KIRREL1: variants seen among roughly 807,000 people sequenced by gnomAD.
KIRREL1 encodes kirre like nephrin family adhesion molecule 1, also known as kin of IRRE-like protein 1.
KIRREL1 carries 25 observed loss-of-function variants against 83.3 expected under a neutral mutation model. That is an observed-to-expected ratio of 0.30 (90% CI 0.22 to 0.42). The LOEUF is 0.42. KIRREL1 is among the 10% of genes least tolerant of loss of function. The pLI is 1.00. For missense variants in KIRREL1, 812 were observed against 1,032.3 expected (o/e 0.79, Z 2.92); for synonymous variants, 388 against 410.4 (o/e 0.95, Z 0.66).
At chr1:158,039,374 T>C (rs774160425) in intron 1 of KIRREL1, among the ~76,000 whole-genome samples, 1 of 152,252 alleles carries the variant, frequency 6.6e-6, no homozygotes, top group Admixed American at 6.5e-5. Context: ...AATTGCTGGA[T>C]GCATGGCATG....
intron 1 of KIRREL1, among the ~76,000 whole-genome samples, chr1:157,994,821 A>G (rs1362914431): frequency 1.3e-5 from 2 of 152,154 alleles, no homozygotes; most frequent in African/African-American, 4.8e-5. Context: ...ACACTGAGAC[A>G]GACACATATA....
At chr1:158,066,103 G>A (rs1005545151) in intron 1 of KIRREL1, among the ~76,000 whole-genome samples, 2 of 151,978 alleles carry the variant, frequency 1.3e-5, no homozygotes, top group African/African-American at 4.8e-5. Flanking sequence ...GTAGGCTTTG[G>A]GATGTGCCCT....
intron 1 of KIRREL1, among the ~76,000 whole-genome samples, chr1:158,026,877 C>A (rs147166468): frequency 1.3e-5 from 2 of 152,122 alleles, no homozygotes. Context: ...CCCCCCACCC[C>A]CTACAACAGT....
At chr1:158,046,919 C>T (rs1480680170) in intron 1 of KIRREL1, among the ~76,000 whole-genome samples, 2 of 152,126 alleles carry the variant, frequency 1.3e-5, no homozygotes, top group African/African-American at 4.8e-5. Flanking sequence ...TTGCTGGGCA[C>T]AGGGTCAACA....
At chr1:158,020,600 CAAAAA>C (rs370156588) in intron 1 of KIRREL1, among the ~76,000 whole-genome samples, 40 of 83,668 alleles carry the variant, frequency 4.8e-4, no homozygotes, top group Middle Eastern at 0.015. Flanking sequence ...TACAGTAAAT[CAAAAA>C]AAAAAAAAAA....
chr1:158,086,019 T>C (rs890384199), intron 4 of KIRREL1, among the ~76,000 whole-genome samples: 4 of 152,176 alleles, frequency 2.6e-5, no homozygotes, highest in African/African-American at 9.7e-5. Flanking sequence ...TGAAGAAGGC[T>C]TTCCAGAAGA....
Position 158,099,505 on chromosome 1 carries a change from G to A in KIRREL1, c.*4385G>A, listed in dbSNP as rs995074354. ...GTGGTTTGGTAGGAAGGGGGTGTGT[G>A]TGGGGGTTAGTGGGGAATCCCATTT... On this transcript the variant is annotated 3_prime_UTR_variant, in exon 15 of 15. Coordinates refer to ENST00000359209, the MANE Select transcript of KIRREL1 (RefSeq NM_018240.7). 6.6e-6 allele frequency: 1 copy of A among 152,094 alleles called. No individual in the cohort carries two copies. The highest frequency in any genetic ancestry group is 2.4e-5 in the African/African-American group (1 of 41,370). The allele number at this position is 152,094 out of a possible 1,614,324, so 9.4% of individuals were successfully genotyped here. A position where few individuals can be genotyped will look rare whatever the true frequency, so the allele number is the denominator to read the frequency against.
chr1:158,087,885 G>T (rs373936037), intron 6 of KIRREL1, 25 bp downstream of exon 6: 7 of 1,607,642 alleles, frequency 4.4e-6, no homozygotes, highest in Non-Finnish European at 6.0e-6. Flanking sequence ...GGCTGGGAGC[G>T]CTCTGGGGAG....
chr1:158,053,658 C>T (rs1660966115), intron 1 of KIRREL1, among the ~76,000 whole-genome samples: 1 of 152,186 alleles, frequency 6.6e-6, no homozygotes, highest in Non-Finnish European at 1.5e-5. Context: ...TGGAATTGAT[C>T]ATTTTCCTCC....
At chr1:158,023,831 A>G (rs1660074014) in intron 1 of KIRREL1, among the ~76,000 whole-genome samples, 1 of 152,228 alleles carries the variant, frequency 6.6e-6, no homozygotes, top group African/African-American at 2.4e-5. Context: ...AGTGGAAAGA[A>G]AACGTTAAGT....
chr1:158,022,756 A>C (rs1160508114), intron 1 of KIRREL1, among the ~76,000 whole-genome samples: 1 of 152,086 alleles, frequency 6.6e-6, no homozygotes, highest in Non-Finnish European at 1.5e-5. Context: ...GAGAGGGTCC[A>C]AGTGTTCAGG....
At chr1:158,056,814 A>G (rs1156448681) in intron 1 of KIRREL1, among the ~76,000 whole-genome samples, 3 of 152,236 alleles carry the variant, frequency 2.0e-5, no homozygotes, top group Non-Finnish European at 2.9e-5. Context: ...GCTTGGAGCT[A>G]TGGGGCTCAC....
intron 10 of KIRREL1, among the ~76,000 whole-genome samples, chr1:158,091,128 T>C (rs573685607): frequency 6.6e-6 from 1 of 152,362 alleles, no homozygotes; most frequent in East Asian, 1.9e-4. Flanking sequence ...GTAAATCTGA[T>C]GTCAGCCATG....
rs77816765 is a variant in KIRREL1 at position 158,080,700 on chromosome 1, C to G, written c.352+2560C>G. 4.2e-3 allele frequency among the ~76,000 whole-genome samples: 632 copies of G among 152,286 alleles called. 6 individuals are homozygous for G. The highest frequency in any genetic ancestry group is 0.026 in the East Asian group (135 of 5,172). On this transcript the variant is annotated intron_variant, in intron 3 of 14. Coordinates refer to ENST00000359209, the MANE Select transcript of KIRREL1 (RefSeq NM_018240.7). ...GGCTCTACCCATCCAGGATCTTCCT[C>G]CCGGGTGTGGCAGCAACATGTGACC... is the stretch of plus-strand genomic sequence containing the variant.
intron 1 of KIRREL1, among the ~76,000 whole-genome samples, chr1:158,012,283 G>A (rs1659710677): frequency 6.6e-6 from 1 of 152,058 alleles, no homozygotes; most frequent in South Asian, 2.1e-4. Context: ...TGATGCCTGA[G>A]GCCAGATGCT....
chr1:158,037,137 C>T (rs1042569131), intron 1 of KIRREL1, among the ~76,000 whole-genome samples: 2 of 152,182 alleles, frequency 1.3e-5, no homozygotes, highest in African/African-American at 4.8e-5. Flanking sequence ...GGGTTCTAGT[C>T]CCACTGCTGC....
intron 1 of KIRREL1, among the ~76,000 whole-genome samples, chr1:158,047,422 ATC>A (rs2101587376): frequency 6.6e-6 from 1 of 152,342 alleles, no homozygotes; most frequent in South Asian, 2.1e-4. Flanking sequence ...TGGAGAAGTC[ATC>A]ATTGTTGGCT....
chr1:158,009,085 C>T (rs1164709648), intron 1 of KIRREL1, among the ~76,000 whole-genome samples: 3 of 152,146 alleles, frequency 2.0e-5, no homozygotes, highest in East Asian at 1.9e-4. Flanking sequence ...AACCTTTGCC[C>T]GTGAGTTGGA....
intron 1 of KIRREL1, among the ~76,000 whole-genome samples, chr1:158,029,337 C>CTG (rs60980289): frequency 0.18 from 12,237 of 69,264 alleles, 680 homozygotes; most frequent in African/African-American, 0.29. Flanking sequence ...TAACAAAAAC[C>CTG]TGTGTGTGTG....
Sources: gnomAD v4.1 joint callset for allele counts (sites outside exome capture counted in the v4.1 genomes callset) on GRCh38, gnomAD v4.1.1 for gene constraint, MANE v1.5 for transcripts, NCBI Gene and HGNC (gene_info 2026-07-23, HGNC 2026-07-21) for gene names.